KIZ: variants seen among roughly 807,000 people sequenced by gnomAD.
KIZ encodes kizuna centrosomal protein.
KIZ carries 68 observed loss-of-function variants against 79.6 expected under a neutral mutation model. That is an observed-to-expected ratio of 0.85 (90% CI 0.70 to 1.05). The LOEUF is 1.05. Ranked by LOEUF, KIZ falls within the 50% of genes least tolerant of loss-of-function variation. The pLI is 0.00. For synonymous variants in KIZ, 280 were observed against 281.8 expected, an observed-to-expected ratio of 0.99 and a Z score of 0.06; for missense variants, 797 against 800.4, an observed-to-expected ratio of 1.00 and a Z score of 0.05.
At chr20:21,163,697 A>G (rs1285857634) in intron 6 of KIZ, among the ~76,000 whole-genome samples, 7 of 152,168 alleles carry the variant, frequency 4.6e-5, no homozygotes, top group Admixed American at 2.0e-4. Context: ...TTTTGAATCT[A>G]AATAGGAAAC....
intron 9 of KIZ, among the ~76,000 whole-genome samples, chr20:21,228,475 C>T (rs1476400612): frequency 6.6e-6 from 1 of 152,132 alleles, no homozygotes; most frequent in Non-Finnish European, 1.5e-5. Context: ...CTCTACAAAC[C>T]CGTTCTCGCT....
At chr20:21,205,305 A>C (rs1275878243) in intron 6 of KIZ, among the ~76,000 whole-genome samples, 186 bp from the exon 7 acceptor site, 1 of 152,192 alleles carries the variant, frequency 6.6e-6, no homozygotes, top group East Asian at 1.9e-4. Flanking sequence ...TTAGCAATGA[A>C]ATAACCAAAG....
intron 6 of KIZ, among the ~76,000 whole-genome samples, chr20:21,168,259 T>G (rs1331753513): frequency 1.3e-5 from 2 of 152,218 alleles, no homozygotes; most frequent in Non-Finnish European, 2.9e-5. Flanking sequence ...CTCATCATTT[T>G]TTATGGCTGC....
At chr20:21,191,997 C>T (rs1461394428) in intron 6 of KIZ, among the ~76,000 whole-genome samples, 1 of 152,100 alleles carries the variant, frequency 6.6e-6, no homozygotes, top group Non-Finnish European at 1.5e-5. Flanking sequence ...CTGTCCAACC[C>T]CAGCTTCTGC....
chr20:21,162,963 G>T lies in KIZ; in HGVS notation c.1156G>T (p.Asp386Tyr), dbSNP rs946588482. The T allele has an allele frequency of 9.9e-6, 16 of 1,613,898 alleles. No individual in the cohort carries two copies. Among genetic ancestry groups the T allele is most frequent in the Non-Finnish European group, 1.4e-5 (16 of 1,179,844 alleles). The change falls in exon 6 of 13, where the codon GAT becomes TAT. Residue 386 changes from aspartate (D) to tyrosine (Y), a missense_variant. By Grantham distance (160) the Asp-to-Tyr change is radical (BLOSUM62 -3). Coordinates refer to ENST00000619189, the MANE Select transcript of KIZ (RefSeq NM_018474.6). ...CCTTACCATTTCAATAAGTGAAGAT[G>T]ATCTGATTTTAGAGAGCCCAGAACC... ...SDLTISISED[D>Y]LILESPEPQP...
chr20:21,179,102 T>A (rs1192286396), intron 6 of KIZ, among the ~76,000 whole-genome samples: 1 of 152,008 alleles, frequency 6.6e-6, no homozygotes, highest in Non-Finnish European at 1.5e-5. Context: ...TTTGGAAGTA[T>A]TCCCTTTTTT....
intron 9 of KIZ, chr20:21,218,619 T>C (rs920117276): frequency 3.3e-5 from 5 of 152,208 alleles, no homozygotes; most frequent in African/African-American, 9.6e-5. Context: ...AGATAACTTA[T>C]CATTTATTTG....
intron 2 of KIZ, 55 bp from the exon 3 acceptor site, chr20:21,136,335 T>G (rs2122370706): frequency 9.7e-7 from 1 of 1,027,972 alleles, no homozygotes; most frequent in Non-Finnish European, 1.4e-6. Flanking sequence ...AAATTCCCTT[T>G]CTTAGATTCG....
chr20:21,172,845 C>T (rs1433760165), intron 6 of KIZ, among the ~76,000 whole-genome samples: 2 of 152,082 alleles, frequency 1.3e-5, no homozygotes, highest in Non-Finnish European at 2.9e-5. Flanking sequence ...TTAGTTTATA[C>T]TTCTTCTCTC....
chr20:21,155,403 A>G (rs2033329428), intron 4 of KIZ, among the ~76,000 whole-genome samples: 1 of 103,010 alleles, frequency 9.7e-6, no homozygotes, highest in Non-Finnish European at 2.4e-5. Context: ...GTGCTAAGTG[A>G]AAGAAACCAA....
At chr20:21,193,155 C>T (rs768115978) in intron 6 of KIZ, among the ~76,000 whole-genome samples, 4 of 152,038 alleles carry the variant, frequency 2.6e-5, no homozygotes, top group Non-Finnish European at 5.9e-5. Flanking sequence ...CTTCTGAGCC[C>T]CAATGTTGGC....
At chr20:21,170,292 A>G (rs1401196888) in intron 6 of KIZ, among the ~76,000 whole-genome samples, 2 of 152,208 alleles carry the variant, frequency 1.3e-5, no homozygotes, top group African/African-American at 4.8e-5. Flanking sequence ...TTGTGTTATA[A>G]ACAATCCAGT....
At chr20:21,156,041 C>G (rs1215755658) in intron 4 of KIZ, among the ~76,000 whole-genome samples, 1 of 152,216 alleles carries the variant, frequency 6.6e-6, no homozygotes, top group Non-Finnish European at 1.5e-5. Context: ...TCTATTTCAC[C>G]TAACCTTCCT....
chr20:21,194,239 C>T (rs1395393745), intron 6 of KIZ: 1 of 152,184 alleles, frequency 6.6e-6, no homozygotes, highest in Non-Finnish European at 1.5e-5. Context: ...TGTCATTCAG[C>T]AGGTTCCTCC....
At chr20:21,145,341 A>G (rs1426883985) in intron 3 of KIZ, among the ~76,000 whole-genome samples, 1 of 152,118 alleles carries the variant, frequency 6.6e-6, no homozygotes, top group Non-Finnish European at 1.5e-5. Context: ...GTAAAAATCC[A>G]TCAAATCTTA....
At chr20:21,150,027 A>G (rs536122860) in intron 4 of KIZ, among the ~76,000 whole-genome samples, 1 of 152,252 alleles carries the variant, frequency 6.6e-6, no homozygotes, top group African/African-American at 2.4e-5. Flanking sequence ...CACTCATAGC[A>G]CCTGGTGCTC....
intron 1 of KIZ, 110 bp downstream of exon 1, chr20:21,126,314 C>T: frequency 2.8e-6 from 2 of 724,056 alleles, no homozygotes; most frequent in Non-Finnish European, 4.1e-6. Flanking sequence ...GGGGCCCAGG[C>T]CCGCGCGCAA....
intron 6 of KIZ, among the ~76,000 whole-genome samples, chr20:21,183,830 A>T (rs1210049234): frequency 6.6e-6 from 1 of 152,170 alleles, no homozygotes; most frequent in Non-Finnish European, 1.5e-5. Flanking sequence ...AGATGGTACC[A>T]GTGGGCTCTG....
At chr20:21,158,984 ATTTATTTATTTATT>A (rs2033523790) in intron 4 of KIZ, among the ~76,000 whole-genome samples, 1 of 28,830 alleles carries the variant, frequency 3.5e-5, no homozygotes, top group Admixed American at 3.7e-4. Context: ...ATACACATAT[ATTTATTTATTTATT>A]TATTATTACT....
Sources: allele counts gnomAD v4.1 joint callset (sites outside exome capture counted in the v4.1 genomes callset), GRCh38; gene constraint gnomAD v4.1.1; transcripts MANE v1.5; gene names NCBI Gene and HGNC (gene_info 2026-07-23, HGNC 2026-07-21).